CADM2: variants seen among roughly 807,000 people sequenced by gnomAD.
CADM2 encodes the protein cell adhesion molecule 2.
CADM2 carries 12 observed loss-of-function variants against 49.8 expected under a neutral mutation model. The observed-to-expected ratio is 0.24, with a 90% CI of 0.15 to 0.39. The LOEUF is 0.39. CADM2 is among the 10% of genes least tolerant of loss of function. CADM2 has a pLI of 1.00. For missense variants in CADM2, 378 were observed against 492.3 expected (o/e 0.77, Z 2.20); for synonymous variants, 214 against 175.4 (o/e 1.22, Z -1.74).
intron 3 of CADM2, among the ~76,000 whole-genome samples, chr3:85,803,229 G>A (rs1039980903): frequency 1.3e-5 from 2 of 152,000 alleles, no homozygotes; most frequent in African/African-American, 4.8e-5. Context: ...GAGTGATGAA[G>A]CATCTAATTC....
intron 1 of CADM2, among the ~76,000 whole-genome samples, chr3:85,096,764 C>T (rs565964003): frequency 3.9e-5 from 6 of 152,230 alleles, no homozygotes; most frequent in Non-Finnish European, 7.4e-5. Flanking sequence ...TTAAAATGTA[C>T]TCCATTCTAC....
chr3:85,283,437 A>G (rs2043553969), intron 1 of CADM2, among the ~76,000 whole-genome samples: 1 of 151,894 alleles, frequency 6.6e-6, no homozygotes, highest in African/African-American at 2.4e-5. Flanking sequence ...TAAGGATTGT[A>G]TATGTATTAT....
At chr3:85,388,177 T>C (rs1297466478) in intron 1 of CADM2, among the ~76,000 whole-genome samples, 1 of 152,152 alleles carries the variant, frequency 6.6e-6, no homozygotes, top group Non-Finnish European at 1.5e-5. Context: ...TACAGGAGCA[T>C]AGCACCATGC....
chr3:85,802,508 GT>G (rs901233562), intron 3 of CADM2, among the ~76,000 whole-genome samples: 1 of 151,862 alleles, frequency 6.6e-6, no homozygotes, highest in Non-Finnish European at 1.5e-5. Flanking sequence ...TATAGTTTGA[GT>G]TTTTTTCTTT....
chr3:85,890,138 G>GT (rs1714227934), intron 5 of CADM2, among the ~76,000 whole-genome samples: 1 of 152,014 alleles, frequency 6.6e-6, no homozygotes, highest in Non-Finnish European at 1.5e-5. Flanking sequence ...TCCAAAAAGG[G>GT]TTTGGAGGAC....
At chr3:86,038,384 T>A (rs1735439821) in intron 8 of CADM2, among the ~76,000 whole-genome samples, 1 of 152,176 alleles carries the variant, frequency 6.6e-6, no homozygotes, top group Admixed American at 6.5e-5. Flanking sequence ...TTTCTGCTTG[T>A]CTCTGAAGCT....
intron 1 of CADM2, among the ~76,000 whole-genome samples, chr3:85,246,810 A>G (rs1466871642): frequency 1.3e-5 from 2 of 152,116 alleles, no homozygotes; most frequent in African/African-American, 4.8e-5. Flanking sequence ...CTTTCTGCCA[A>G]ATTACTTCCA....
At chr3:85,817,775 T>A (rs1162677824) in intron 3 of CADM2, among the ~76,000 whole-genome samples, 1 of 152,012 alleles carries the variant, frequency 6.6e-6, no homozygotes, top group African/African-American at 2.4e-5. Flanking sequence ...ACTGCACCAC[T>A]GCACTCCAGC....
intron 3 of CADM2, among the ~76,000 whole-genome samples, chr3:85,837,303 G>A (rs947504625): frequency 5.3e-5 from 8 of 151,512 alleles, no homozygotes; most frequent in East Asian, 1.9e-4. Flanking sequence ...ACTGGATAAT[G>A]TAATGTTTTC....
At chr3:86,058,498 A>G (rs770553648) in intron 8 of CADM2, among the ~76,000 whole-genome samples, 1 of 152,186 alleles carries the variant, frequency 6.6e-6, no homozygotes, top group Non-Finnish European at 1.5e-5. Flanking sequence ...TGTGTCACAC[A>G]GATAGCAGTA....
intron 1 of CADM2, among the ~76,000 whole-genome samples, chr3:85,346,494 GAAA>G (rs2030663713): frequency 1.3e-5 from 2 of 152,148 alleles, no homozygotes; most frequent in Non-Finnish European, 2.9e-5. Flanking sequence ...TTATTCAGAT[GAAA>G]TTCGCTTGTA....
intron 1 of CADM2, among the ~76,000 whole-genome samples, chr3:85,325,449 C>A (rs1012081740): frequency 6.6e-6 from 1 of 152,084 alleles, no homozygotes; most frequent in African/African-American, 2.4e-5. Context: ...TGGTGGCTCA[C>A]GCCTATAATC....
intron 1 of CADM2, among the ~76,000 whole-genome samples, chr3:85,178,241 C>T (rs115833813): frequency 0.022 from 3,373 of 151,718 alleles, 113 homozygotes; most frequent in African/African-American, 0.076. Flanking sequence ...AAATTATTTG[C>T]CTAGGCAGCC....
intron 1 of CADM2, among the ~76,000 whole-genome samples, chr3:85,630,257 A>C (rs900292634): frequency 6.6e-6 from 1 of 151,980 alleles, no homozygotes; most frequent in Admixed American, 6.6e-5. Flanking sequence ...TTTTCCCAGT[A>C]TCCTGAGATC....
At chr3:85,342,063 C>T (rs995804937) in intron 1 of CADM2, among the ~76,000 whole-genome samples, 1 of 151,868 alleles carries the variant, frequency 6.6e-6, no homozygotes, top group Non-Finnish European at 1.5e-5. Flanking sequence ...ACTATCATCA[C>T]AGTGAACAGG....
At chr3:85,678,677 A>G (rs148909066) in intron 1 of CADM2, among the ~76,000 whole-genome samples, 191 of 152,320 alleles carry the variant, frequency 1.3e-3, no homozygotes, top group African/African-American at 4.2e-3. Flanking sequence ...TAATCCTCAT[A>G]AAAATCTATG....
At chr3:85,486,652 C>A (rs1304416762) in intron 1 of CADM2, among the ~76,000 whole-genome samples, 1 of 151,958 alleles carries the variant, frequency 6.6e-6, no homozygotes, top group Non-Finnish European at 1.5e-5. Context: ...TATAAAGGTT[C>A]CCAACAGATT....
intron 1 of CADM2, among the ~76,000 whole-genome samples, chr3:84,986,609 G>C (rs937609495): frequency 1.3e-5 from 2 of 151,834 alleles, no homozygotes; most frequent in South Asian, 2.1e-4. Flanking sequence ...GTTGTGGGGT[G>C]GGGGGAGCGG....
chr3:85,428,835 T>C (rs1402012968), intron 1 of CADM2, among the ~76,000 whole-genome samples: 1 of 151,490 alleles, frequency 6.6e-6, no homozygotes, highest in East Asian at 1.9e-4. Context: ...TTACACTCTT[T>C]TGCCTCTTTA....
Sources: gnomAD v4.1 joint callset for allele counts (sites outside exome capture counted in the v4.1 genomes callset) on GRCh38, gnomAD v4.1.1 for gene constraint, MANE v1.5 for transcripts, NCBI Gene and HGNC (gene_info 2026-07-23, HGNC 2026-07-21) for gene names.